Variants in COL2A1 observed in about 807,000 individuals in gnomAD.
COL2A1 encodes collagen type II alpha 1 chain, also known as collagen alpha-1(II) chain.
A neutral mutation model predicts 204.5 loss-of-function variants in COL2A1; 28 were observed. That is an observed-to-expected ratio of 0.14 (90% CI 0.10 to 0.19). COL2A1 has a LOEUF of 0.19. COL2A1 is among the 10% of genes least tolerant of loss of function. The pLI is 1.00. For synonymous variants in COL2A1, 708 were observed against 718.7 expected (o/e 0.99, Z 0.24); for missense variants, 1,388 against 2,027.5 (o/e 0.68, Z 6.06).
chr12:47,975,742 A>C, intron 50 of COL2A1, 137 bp from the exon 51 acceptor site: 1 of 959,062 alleles, frequency 1.0e-6, no homozygotes, highest in Non-Finnish European at 1.6e-6. Flanking sequence ...GGCGAGGACC[A>C]AGGAAACCAC....
At position 47,982,154 on chromosome 12, in the gene COL2A1, C is replaced by T. The variant is rs368583168; in HGVS notation, c.2308G>A (p.Val770Ile). Residue 770 changes from valine (V) to isoleucine (I), a missense_variant, in exon 35 of 54, where the codon GTT becomes ATT. Around this residue, in one of 3 missense-constraint regions of COL2A1, gnomAD observed 884 missense variants for 1,415.8 expected, o/e 0.62. Transcript: ENST00000380518. ...IAGPKGDRGD[V>I]GEKGPEGAPG... is the part of the protein sequence containing the mutation. ...GCTCCCTCAGGGCCTTTCTCACCAACGTCACCCTGAGGGAAGAGAAAACCA... is the reference window on the plus strand; with the variant it reads ...GCTCCCTCAGGGCCTTTCTCACCAATGTCACCCTGAGGGAAGAGAAAACCA... 3.4e-5 allele frequency: 55 copies of T among 1,613,832 alleles called. No homozygotes were observed. Among genetic ancestry groups the T allele is most frequent in the East Asian group, 8.9e-5 (4 of 44,874 alleles).
intron 1 of COL2A1, among the ~76,000 whole-genome samples, chr12:48,001,532 G>C (rs1940232320): frequency 6.6e-6 from 1 of 152,142 alleles, no homozygotes; most frequent in Admixed American, 6.5e-5. Flanking sequence ...GCCCACCCTC[G>C]CCCATGAGGA....
rs762355724 is a variant in COL2A1, at chr12:47,992,883, C to T, written c.1018G>A (p.Ala340Thr). ...TGGCTTTGTCAATTACTCACCGCAG[C>T]GCCAGCAGGGCCAGTCCGTCCTCTT... ...GERGRTGPAG[A>T]AGARGNDGQP... The change falls in exon 16 of 54, where the codon GCT (alanine) becomes ACT (threonine). Residue 340 changes from alanine (A) to threonine (T), a missense_variant. Physicochemically the swap from Ala to Thr is moderately conservative, Grantham distance 58. Transcript: ENST00000380518. 16 of 1,614,042 alleles carry T rather than the reference C, an allele frequency of 9.9e-6. No individual in the cohort carries two copies. The highest frequency in any genetic ancestry group is 8.3e-5 in the Admixed American group (5 of 60,010).
chr12:47,986,543 A>C, intron 22 of COL2A1, 100 bp from the exon 23 acceptor site: 6 of 671,950 alleles, frequency 8.9e-6, no homozygotes, highest in Non-Finnish European at 1.3e-5. Context: ...CAACTGTTTC[A>C]GGGCTGGGGG....
chr12:48,004,591 C>G, upstream of COL2A1: 2 of 347,664 alleles, frequency 5.8e-6, no homozygotes, highest in Non-Finnish European at 5.3e-6. Flanking sequence ...CTGAACCGCC[C>G]GCCCCCGGAG....
chr12:47,981,069 C>G, intron 37 of COL2A1, 101 bp from the exon 38 acceptor site: 3 of 1,243,092 alleles, frequency 2.4e-6, no homozygotes, highest in Non-Finnish European at 3.4e-6. Flanking sequence ...CTCCTGTTCC[C>G]CAGAGACGGG....
intron 3 of COL2A1, 73 bp from the exon 4 acceptor site, chr12:47,998,274 G>A (rs1940060990): frequency 6.2e-7 from 1 of 1,601,214 alleles, no homozygotes; most frequent in Non-Finnish European, 8.6e-7. Context: ...CCTGCCAGCA[G>A]CCCCTGTGTT....
chr12:47,980,594 G>T lies in COL2A1; in HGVS notation c.2585C>A (p.Ala862Asp), dbSNP rs1485674245. The T allele has an allele frequency of 6.2e-7, 1 of 1,612,668 alleles. No homozygotes were observed. The highest frequency in any genetic ancestry group is 1.7e-5 in the Admixed American group (1 of 59,914). The change falls in exon 39 of 54, where the codon GCC (alanine) becomes GAC (aspartate). Residue 862 changes from alanine to aspartate, a missense_variant. By Grantham distance (126) the Ala-to-Asp change is moderately radical. Coordinates refer to ENST00000380518, the MANE Select transcript of COL2A1 (RefSeq NM_001844.5). This position sits in a 1 kb window ranked among gnomAD's most constrained non-coding sequence, Gnocchi z 4.5. ...TCCAGAGGGGCCCTGAGGACCAGGG[G>T]CACCAGCATCGCCTTTCTGGCCGGC... ...GEAGQKGDAG[A>D]PGPQGPSGAP...
intron 45 of COL2A1, 27 bp downstream of exon 45, chr12:47,977,573 C>T (rs749574390): frequency 6.2e-7 from 1 of 1,613,908 alleles, no homozygotes; most frequent in Admixed American, 1.7e-5. Context: ...CCCCAACCCA[C>T]TGCACACACA....
chr12:47,976,626 T>C lies in COL2A1; in HGVS notation c.3436-59A>G. 1 of 1,568,334 alleles carries C rather than the reference T, an allele frequency of 6.4e-7. No individual in the cohort carries two copies. The highest frequency in any genetic ancestry group is 8.8e-7 in the Non-Finnish European group (1 of 1,139,188). ...AGCACAGACATATCTATCTATATTC[T>C]GGGAGCTGGGGGAACAGCTTTATGT... On this transcript the variant is annotated intron_variant, in intron 48 of 53. Coordinates refer to ENST00000380518, the MANE Select transcript of COL2A1 (RefSeq NM_001844.5). The surrounding 1 kb of genome is among the most constrained non-coding windows in gnomAD (Gnocchi z 4.3).
At chr12:47,988,096 C>A (rs949377608) in intron 18 of COL2A1, among the ~76,000 whole-genome samples, 2 of 152,242 alleles carry the variant, frequency 1.3e-5, no homozygotes, top group Non-Finnish European at 2.9e-5. Context: ...CTCTCTCCCC[C>A]ACCTCCTGTT....
chr12:47,989,142 T>G (rs1939579508), intron 18 of COL2A1, 86 bp downstream of exon 18: 17 of 1,136,010 alleles, frequency 1.5e-5, no homozygotes, highest in Non-Finnish European at 2.2e-5. Flanking sequence ...AGCAGGTGGT[T>G]GTTGAGGGAG....
chr12:48,003,970 T>G (rs914306518), intron 1 of COL2A1, among the ~76,000 whole-genome samples: 4 of 152,214 alleles, frequency 2.6e-5, no homozygotes, highest in Non-Finnish European at 5.9e-5. Context: ...GAGCCAACAC[T>G]TTGCAAGTTC....
intron 23 of COL2A1, 44 bp downstream of exon 23, chr12:47,986,292 G>C: frequency 1.5e-6 from 2 of 1,296,724 alleles, no homozygotes. Flanking sequence ...CTTCCCTCTC[G>C]AGGTCACAGG....
intron 1 of COL2A1, 126 bp from the exon 2 acceptor site, chr12:48,000,251 G>A: frequency 1.4e-6 from 1 of 715,206 alleles, no homozygotes. Flanking sequence ...GTAGGCTGGG[G>A]CCACCTGGAC....
At chr12:47,990,888 TGAGC>T (rs1288984048) in intron 16 of COL2A1, among the ~76,000 whole-genome samples, 1 of 152,190 alleles carries the variant, frequency 6.6e-6, no homozygotes, top group Non-Finnish European at 1.5e-5. Context: ...AGGGCCTGAC[TGAGC>T]AGGTCAGGGG....
upstream of COL2A1, chr12:48,005,911 GAC>G (rs921635428): frequency 1.3e-5 from 2 of 152,252 alleles, no homozygotes; most frequent in Non-Finnish European, 2.9e-5. Context: ...ATCATGCTTT[GAC>G]ACTTGTCCTG....
intron 53 of COL2A1, among the ~76,000 whole-genome samples, chr12:47,973,813 G>A (rs766771200): frequency 1.1e-4 from 16 of 152,154 alleles, no homozygotes; most frequent in Middle Eastern, 3.4e-3. Context: ...ACCTGTGACC[G>A]CTTCTTCACC....
Position 47,978,551 on chromosome 12 carries a change from G to C in COL2A1, c.2895+46C>G. On this transcript the variant is annotated intron_variant, in intron 42 of 53. Transcript: ENST00000380518. The surrounding 1 kb of genome is among the most constrained non-coding windows in gnomAD (Gnocchi z 5.5). ...CTCTGTGAGCTCAGAAGCCACTCAC[G>C]ACCCTGCTCCCAGGGACCTTGGCAT... 1 of 1,611,772 alleles carries C rather than the reference G, an allele frequency of 6.2e-7. No homozygotes were observed. The highest frequency in any genetic ancestry group is 8.5e-7 in the Non-Finnish European group (1 of 1,178,968).
Sources: allele counts gnomAD v4.1 joint callset (sites outside exome capture counted in the v4.1 genomes callset), GRCh38; gene constraint gnomAD v4.1.1; regional missense constraint gnomAD v4.1.1; non-coding constraint Gnocchi (gnomAD v3.1); transcripts MANE v1.5; gene names NCBI Gene and HGNC (gene_info 2026-07-23, HGNC 2026-07-21).